SHANK2: variants seen among roughly 807,000 people sequenced by gnomAD.
SHANK2 encodes SH3 and multiple ankyrin repeat domains protein 2.
Under a neutral mutation model 133.7 loss-of-function variants are expected in SHANK2, and 43 were observed. That is an observed-to-expected ratio of 0.32 (90% CI 0.25 to 0.41). SHANK2 has a LOEUF of 0.41. Among genes scored for constraint, SHANK2 ranks in the 10% least tolerant of loss-of-function variants. The pLI is 1.00. For missense variants in SHANK2, 1,994 were observed against 2,235.8 expected, an observed-to-expected ratio of 0.89 and a Z score of 2.18; for synonymous variants, 1,017 against 952.8, an observed-to-expected ratio of 1.07 and a Z score of -1.24.
intron 17 of SHANK2, among the ~76,000 whole-genome samples, chr11:70,590,874 C>T (rs1554987894): frequency 6.6e-6 from 1 of 152,126 alleles, no homozygotes; most frequent in Non-Finnish European, 1.5e-5. Context: ...GTGCAGAAAA[C>T]AAGAGCTGAG....
At chr11:71,096,774 A>G (rs1951622150) in intron 6 of SHANK2, among the ~76,000 whole-genome samples, 1 of 152,248 alleles carries the variant, frequency 6.6e-6, no homozygotes, top group African/African-American at 2.4e-5. Flanking sequence ...AAGGCAGTCC[A>G]AAGCAGATTT....
At chr11:70,769,292 G>A (rs1161517005) in intron 14 of SHANK2, among the ~76,000 whole-genome samples, 1 of 152,196 alleles carries the variant, frequency 6.6e-6, no homozygotes, top group African/African-American at 2.4e-5. Flanking sequence ...CCCAGGGACG[G>A]TGCCCACTGC....
intron 14 of SHANK2, among the ~76,000 whole-genome samples, chr11:70,792,047 A>C (rs1345607888): frequency 6.6e-6 from 1 of 152,196 alleles, no homozygotes; most frequent in Non-Finnish European, 1.5e-5. Flanking sequence ...AACTAAGCTG[A>C]ACTTGTATCA....
intron 17 of SHANK2, among the ~76,000 whole-genome samples, chr11:70,592,611 C>A (rs782257696): frequency 3.9e-5 from 6 of 152,078 alleles, no homozygotes; most frequent in African/African-American, 1.4e-4. Context: ...CTGCACCCCC[C>A]GTTGAGGGCA....
chr11:71,065,406 TG>T (rs1296559289), intron 9 of SHANK2, among the ~76,000 whole-genome samples: 20 of 8,544 alleles, frequency 2.3e-3, no homozygotes, highest in Admixed American at 0.01. Flanking sequence ...GGGGAAGTTG[TG>T]GGGGGGTGTG....
At chr11:70,870,110 T>C (rs1287362301) in intron 11 of SHANK2, among the ~76,000 whole-genome samples, 1 of 152,116 alleles carries the variant, frequency 6.6e-6, no homozygotes, top group Non-Finnish European at 1.5e-5. Context: ...ATTAGTGTCC[T>C]TATAAAGAGA....
At chr11:71,181,277 T>C (rs1376438431) in intron 2 of SHANK2, among the ~76,000 whole-genome samples, 1 of 151,992 alleles carries the variant, frequency 6.6e-6, no homozygotes, top group African/African-American at 2.4e-5. Flanking sequence ...CTCCTCTTTC[T>C]CCACTACATC....
At chr11:70,846,803 C>A (rs1949003796) in intron 11 of SHANK2, among the ~76,000 whole-genome samples, 1 of 152,202 alleles carries the variant, frequency 6.6e-6, no homozygotes, top group African/African-American at 2.4e-5. Flanking sequence ...CCCTCCCACC[C>A]TTCTCTGAAA....
At chr11:70,844,703 C>T (rs1430170280) in intron 11 of SHANK2, among the ~76,000 whole-genome samples, 2 of 152,150 alleles carry the variant, frequency 1.3e-5, no homozygotes, top group East Asian at 1.9e-4. Flanking sequence ...TTCGACTTTC[C>T]CCATGATCAA....
intron 3 of SHANK2, among the ~76,000 whole-genome samples, chr11:71,129,474 G>A (rs564152805): frequency 2.6e-5 from 4 of 152,196 alleles, no homozygotes; most frequent in South Asian, 2.1e-4. Context: ...CCGTCTCTAC[G>A]AAAAATGAAA....
intron 2 of SHANK2, among the ~76,000 whole-genome samples, chr11:71,171,237 C>T (rs1168234596): frequency 6.6e-6 from 1 of 152,150 alleles, no homozygotes; most frequent in East Asian, 1.9e-4. Context: ...AGAGTCCCCG[C>T]GATGACAGAG....
chr11:70,516,316 G>A (rs2059265849), intron 17 of SHANK2, among the ~76,000 whole-genome samples: 1 of 152,196 alleles, frequency 6.6e-6, no homozygotes, highest in African/African-American at 2.4e-5. Flanking sequence ...CCCAGAAATA[G>A]ACCCACACAA....
At chr11:71,212,723 G>A (rs1555119040) in intron 2 of SHANK2, among the ~76,000 whole-genome samples, 2 of 152,222 alleles carry the variant, frequency 1.3e-5, no homozygotes, top group Non-Finnish European at 2.9e-5. Flanking sequence ...CAGTTTCCAT[G>A]AATCCACTTC....
intron 2 of SHANK2, among the ~76,000 whole-genome samples, chr11:71,210,242 A>ATT (rs1243379267): frequency 8.0e-5 from 7 of 87,650 alleles, no homozygotes; most frequent in African/African-American, 3.4e-4. Flanking sequence ...ATATATATAT[A>ATT]TATATATATA....
At chr11:70,741,973 T>G (rs1946536363) in intron 14 of SHANK2, among the ~76,000 whole-genome samples, 1 of 152,180 alleles carries the variant, frequency 6.6e-6, no homozygotes, top group South Asian at 2.1e-4. Flanking sequence ...GAATTCCAGA[T>G]TCCCACCTGG....
chr11:71,228,024 A>AT (rs1555122505), intron 1 of SHANK2, among the ~76,000 whole-genome samples: 111 of 152,186 alleles, frequency 7.3e-4, no homozygotes, highest in African/African-American at 2.4e-3. Flanking sequence ...AGACTGACCA[A>AT]GAAAAAAAAA....
At chr11:70,907,865 G>A (rs1032803815) in intron 10 of SHANK2, 1 of 454,414 alleles carries the variant, frequency 2.2e-6, no homozygotes, top group Non-Finnish European at 4.4e-6. Flanking sequence ...AATTTCGGAG[G>A]TAGAGGCAGG....
intron 10 of SHANK2, among the ~76,000 whole-genome samples, chr11:70,954,666 C>T (rs1046754503): frequency 3.9e-5 from 6 of 152,194 alleles, no homozygotes; most frequent in Admixed American, 2.0e-4. Context: ...GAGTGAAGAG[C>T]GCAATACAAC....
At chr11:70,785,575 C>A (rs1463380481) in intron 14 of SHANK2, among the ~76,000 whole-genome samples, 4 of 152,234 alleles carry the variant, frequency 2.6e-5, no homozygotes, top group Admixed American at 6.5e-5. Context: ...CCAGTGAATG[C>A]CACTACCTCT....
Sources: gnomAD v4.1 joint callset for allele counts (sites outside exome capture counted in the v4.1 genomes callset) on GRCh38, gnomAD v4.1.1 for gene constraint, MANE v1.5 for transcripts, NCBI Gene and HGNC (gene_info 2026-07-23, HGNC 2026-07-21) for gene names.